Variants in NPHS1 observed in about 807,000 individuals in gnomAD.
The protein encoded by NPHS1 is nephrin.
A neutral mutation model predicts 139.7 loss-of-function variants in NPHS1; 107 were observed. The ratio of observed to expected loss-of-function variants is 0.77; its 90% confidence interval spans 0.66 to 0.90. The LOEUF (loss-of-function observed/expected upper bound fraction) is 0.90. Ranked by LOEUF, NPHS1 falls within the 40% of genes least tolerant of loss-of-function variation. The pLI, the probability that NPHS1 is intolerant of heterozygous loss-of-function variation, is 0.00. For missense variants in NPHS1, 1,580 were observed against 1,654.2 expected (o/e 0.96, Z 0.78); for synonymous variants, 707 against 706.6 (o/e 1.00, Z -0.01).
rs553248383 is a variant in NPHS1 at position 35,849,489 on chromosome 19, C to T, written c.712+61G>A. On this transcript the variant is annotated intron_variant, in intron 6 of 28. Transcript: ENST00000378910. ...ATTTCCATAATCCCTGTGATCCCCC[C>T]ACACCCCCCAGTGCCTGCTCCCCAT... is the stretch of plus-strand genomic sequence containing the variant. The T allele has an allele frequency of 1.9e-6, 3 of 1,596,696 alleles. No homozygotes were observed. In the South Asian group the frequency reaches 3.3e-5, roughly 18 times the overall value.
At position 35,851,675 on chromosome 19, in the gene NPHS1, G is replaced by C; in HGVS notation, c.59-3C>G. The C allele has an allele frequency of 6.2e-7, 1 of 1,611,620 alleles. No homozygotes were observed. The highest frequency in any genetic ancestry group is 2.2e-5 in the East Asian group (1 of 44,772). On this transcript the variant is annotated splice_polypyrimidine_tract_variant and splice_region_variant and intron_variant, in intron 1 of 28. Coordinates refer to ENST00000378910, the MANE Select transcript of NPHS1 (RefSeq NM_004646.4). Reference sequence around the variant, plus strand: ...AGGAATCGCCAACTGCGCCAGGCCTGAGGACACAGCGCGGTGCAAGGAAAG... The same window carrying C: ...AGGAATCGCCAACTGCGCCAGGCCTCAGGACACAGCGCGGTGCAAGGAAAG...
chr19:35,831,618 C>G (rs1257126434), intron 24 of NPHS1, 25 bp downstream of exon 24: 2 of 1,613,486 alleles, frequency 1.2e-6, no homozygotes. Context: ...GGTCTCCACC[C>G]TGGCAGGGAA....
chr19:35,841,871 A>G lies in NPHS1; in HGVS notation c.2664-5T>C, dbSNP rs775917504. On this transcript the variant is annotated splice_region_variant and splice_polypyrimidine_tract_variant and intron_variant, in intron 19 of 28. Transcript: ENST00000378910. ...TGGTATGTGTGCTCCGTGTACCTAG[A>G]GAGAAGGTAGGGCACCACTCACCCT... The G allele has an allele frequency of 1.2e-6, 2 of 1,605,334 alleles. No individual in the cohort carries two copies. Among genetic ancestry groups the G allele is most frequent in the Non-Finnish European group, 1.7e-6 (2 of 1,175,680 alleles).
In NPHS1 at chr19:35,844,380, C is replaced by A. The variant is rs557429831; in HGVS notation, c.2010G>T (p.Val670=). ...AGGCCTCGGGGGCGGGGTTAGCGGACACGGACACGGGCAGCAACGCCTCGC... is the reference window on the plus strand; with the variant it reads ...AGGCCTCGGGGGCGGGGTTAGCGGAAACGGACACGGGCAGCAACGCCTCGC... ...EQGEALLPVS[V]SANPAPEAFN... The change falls in exon 15 of 29, where the codon GTG becomes GTT. Residue 670 remains valine, a synonymous_variant. Transcript: ENST00000378910. The A allele has an allele frequency of 6.8e-6, 11 of 1,613,054 alleles. No individual in the cohort carries two copies. The South Asian group carries it at 8.8e-5, about 13-fold the overall frequency.
chr19:35,838,887 A>C (rs1319642344), intron 22 of NPHS1, among the ~76,000 whole-genome samples: 2 of 152,126 alleles, frequency 1.3e-5, no homozygotes, highest in Non-Finnish European at 2.9e-5. Flanking sequence ...ATAAAATAAA[A>C]AACTAAAATA....
At chr19:35,846,886 G>C (rs1973150599) in intron 11 of NPHS1, among the ~76,000 whole-genome samples, 1 of 152,036 alleles carries the variant, frequency 6.6e-6, no homozygotes, top group African/African-American at 2.4e-5. Flanking sequence ...TTTTCAACTA[G>C]CTCCCTAATT....
At position 35,839,307 on chromosome 19, in the gene NPHS1, C is replaced by A. The variant is rs747435857; in HGVS notation, c.3039G>T (p.Leu1013=). 1 of 1,614,224 alleles carries A rather than the reference C, an allele frequency of 6.2e-7. No homozygotes were observed. The highest frequency in any genetic ancestry group is 8.5e-7 in the Non-Finnish European group (1 of 1,180,042). The change falls in exon 22 of 29, where the codon CTG becomes CTT. Residue 1013 remains leucine (L), a synonymous_variant. Coordinates refer to ENST00000378910, the MANE Select transcript of NPHS1 (RefSeq NM_004646.4). The stretch of plus-strand genomic sequence containing the variant: ...TGTCCCCCAAGGCATTACTGGCCAG[C>A]AGCCAGACCCTGTATCTTGTAGAAG... The part of the protein sequence containing the change: ...LQPSTRYRVW[L]LASNALGDSG...
chr19:35,845,419 T>A lies in NPHS1; in HGVS notation c.1879A>T (p.Ser627Cys). The A allele has an allele frequency of 6.2e-7, 1 of 1,614,216 alleles. No homozygotes were observed. The change falls in exon 14 of 29, where the codon AGC becomes TGC. Residue 627 changes from serine to cysteine, a missense_variant. Physicochemically the swap from Ser to Cys is moderately radical, Grantham distance 112. Coordinates refer to ENST00000378910, the MANE Select transcript of NPHS1 (RefSeq NM_004646.4). This position sits in a 1 kb window ranked among gnomAD's most constrained non-coding sequence, Gnocchi z 5.5. ...CTCACGGTTTCGCGGAGCTCGGCGC[T>A]GTGGGCGCGGCAGGTCACGCGCTGG... is the stretch of plus-strand genomic sequence containing the variant. ...HGQRVTCRAH[S>C]AELRETVSSF...
Position 35,851,477 on chromosome 19 carries a change from A to T in NPHS1, c.254T>A (p.Leu85Gln). ...CTTACCTCTAGCAGGGTCCCCTTCC[A>T]GGCGGTACCTCGGGAAGCCTGGGAT... ...PRIPGFPRYR[L>Q]EGDPARGEFH... Residue 85 changes from leucine (L) to glutamine (Q), a missense_variant, in exon 2 of 29, where the codon CTG (leucine) becomes CAG (glutamine). Physicochemically the swap from Leu to Gln is moderately radical, Grantham distance 113. Transcript: ENST00000378910. The T allele has an allele frequency of 6.2e-7, 1 of 1,613,590 alleles. No individual in the cohort carries two copies. The highest frequency in any genetic ancestry group is 8.5e-7 in the Non-Finnish European group (1 of 1,179,986).
chr19:35,835,216 A>G (rs186320616), intron 23 of NPHS1, among the ~76,000 whole-genome samples: 1,692 of 147,736 alleles, frequency 0.011, 42 homozygotes, highest in African/African-American at 0.036. Flanking sequence ...AAAAAAAAAA[A>G]AAAGAAAGAA....
chr19:35,851,197 G>A (rs975688807), intron 3 of NPHS1, 65 bp downstream of exon 3: 43 of 1,613,214 alleles, frequency 2.7e-5, no homozygotes, highest in East Asian at 8.9e-5. Context: ...TTGGACTTCC[G>A]GGTTGCGGGG....
chr19:35,842,911 A>G (rs947191061), intron 17 of NPHS1, among the ~76,000 whole-genome samples: 2 of 151,838 alleles, frequency 1.3e-5, no homozygotes, highest in African/African-American at 4.8e-5. Context: ...GCACCCATGT[A>G]TCCACCCCTG....
Position 35,851,261 on chromosome 19 carries a change from C to G in NPHS1, c.397+1G>C, listed in dbSNP as rs756244380. 10 of 1,613,984 alleles carry G rather than the reference C, an allele frequency of 6.2e-6. No homozygotes were observed. Among genetic ancestry groups the G allele is most frequent in the Non-Finnish European group, 8.5e-6 (10 of 1,179,924 alleles). On this transcript the variant is annotated splice_donor_variant, in intron 3 of 28. Transcript: ENST00000378910. LOFTEE classifies it high-confidence loss of function. ...GGGTCCTGGGCGTCTCTCACCCATA[C>G]CCAGGATGGAGAGGATCACTCTGGG...
intron 11 of NPHS1, 66 bp from the exon 12 acceptor site, chr19:35,846,260 T>G: frequency 6.7e-7 from 1 of 1,499,542 alleles, no homozygotes; most frequent in Non-Finnish European, 9.0e-7. Flanking sequence ...CCAACCCCCC[T>G]ACCCTGCCCA....
chr19:35,845,824 G>C lies in NPHS1; in HGVS notation c.1628-26C>G, dbSNP rs1352443478. ...CTGGGAGACGGGGTTGGAGGAGCGA[G>C]ACTCAGAGGTTAGGGGCGGCCTGGT... is the stretch of plus-strand genomic sequence containing the variant. On this transcript the variant is annotated intron_variant, in intron 12 of 28. Coordinates refer to ENST00000378910, the MANE Select transcript of NPHS1 (RefSeq NM_004646.4). The surrounding 1 kb of genome is among the most constrained non-coding windows in gnomAD (Gnocchi z 5.5). The C allele has an allele frequency of 1.2e-6, 2 of 1,608,196 alleles. No individual in the cohort carries two copies. Among genetic ancestry groups the C allele is most frequent in the Non-Finnish European group, 1.7e-6 (2 of 1,176,078 alleles).
intron 22 of NPHS1, among the ~76,000 whole-genome samples, chr19:35,838,866 T>A (rs949070571): frequency 1.4e-4 from 22 of 151,918 alleles, no homozygotes; most frequent in Non-Finnish European, 2.6e-4. Context: ...AAAAAAAAAT[T>A]AAATAATTAA....
chr19:35,827,385 C>A (rs539786755), intron 28 of NPHS1, among the ~76,000 whole-genome samples: 2 of 152,104 alleles, frequency 1.3e-5, no homozygotes, highest in East Asian at 1.9e-4. Flanking sequence ...ATCGCTTGAG[C>A]CCCGGAGGTC....
intron 6 of NPHS1, 57 bp downstream of exon 6, chr19:35,849,493 C>A (rs1973196990): frequency 1.9e-6 from 3 of 1,583,806 alleles, no homozygotes; most frequent in Middle Eastern, 1.7e-4. Flanking sequence ...TCCCCCCACA[C>A]CCCCCAGTGC....
chr19:35,844,248 G>A lies in NPHS1; in HGVS notation c.2072-5C>T, dbSNP rs1973103431. ...TGCGATGCCGGGGGCCGCCCGCTGG[G>A]GAAGGCCAGAATAAGGGACCTGGCA... is the stretch of plus-strand genomic sequence containing the variant. On this transcript the variant is annotated splice_region_variant and splice_polypyrimidine_tract_variant and intron_variant, in intron 15 of 28. Coordinates refer to ENST00000378910, the MANE Select transcript of NPHS1 (RefSeq NM_004646.4). 16 of 1,613,550 alleles carry A rather than the reference G, an allele frequency of 9.9e-6. No homozygotes were observed. Among genetic ancestry groups the A allele is most frequent in the East Asian group, 2.2e-5 (1 of 44,884 alleles).
Sources: allele counts gnomAD v4.1 joint callset (sites outside exome capture counted in the v4.1 genomes callset), GRCh38; gene constraint gnomAD v4.1.1; non-coding constraint Gnocchi (gnomAD v3.1); transcripts MANE v1.5; gene names NCBI Gene and HGNC (gene_info 2026-07-23, HGNC 2026-07-21).